TLCD4: variants seen among roughly 807,000 people sequenced by gnomAD.
TLCD4 encodes TLC domain-containing protein 4.
A neutral mutation model predicts 24.2 loss-of-function variants in TLCD4; 7 were observed. The observed-to-expected ratio is 0.29, with a 90% CI of 0.16 to 0.54. The LOEUF (loss-of-function observed/expected upper bound fraction) is 0.54, where lower values mean the gene tolerates loss of function less well. TLCD4 is among the 20% of genes least tolerant of loss of function. The pLI, the probability that TLCD4 is intolerant of heterozygous loss-of-function variation, is 0.95. For synonymous variants in TLCD4, 103 were observed against 106.4 expected, an observed-to-expected ratio of 0.97 and a Z score of 0.20; for missense variants, 259 against 313.9, an observed-to-expected ratio of 0.82 and a Z score of 1.32.
rs111238370 is a variant in TLCD4, at chr1:95,150,574, C to T, written c.304+308C>T. 1.1e-3 allele frequency among the ~76,000 whole-genome samples: 172 copies of T among 152,116 alleles called. 1 individual carries two copies. The highest frequency in any genetic ancestry group is 3.5e-3 in the African/African-American group (147 of 41,510). The stretch of plus-strand genomic sequence containing the variant: ...TTAAGTGTAATGACTGTGAAACTAA[C>T]GAAATTTAACTTTTAGGGTCCCTCA... On this transcript the variant is annotated intron_variant, in intron 4 of 6. Coordinates refer to ENST00000370203, the MANE Select transcript of TLCD4 (RefSeq NM_152487.3).
intron 5 of TLCD4, among the ~76,000 whole-genome samples, chr1:95,159,097 T>C (rs1340302508): frequency 2.6e-5 from 4 of 152,192 alleles, no homozygotes; most frequent in African/African-American, 4.8e-5. Context: ...TCTTCCACAA[T>C]GGTTGAACTA....
At position 95,127,802 on chromosome 1, in the gene TLCD4, G is replaced by T. The variant is rs1676780810; in HGVS notation, c.-12+10185G>T. On this transcript the variant is annotated intron_variant, in intron 1 of 6. Transcript: ENST00000370203. ...GATTTCCTTGAAGGTGGGCTCTCAAGCTGTATAAGCTTCAAAACCGTTACT... is the reference window on the plus strand; with the variant it reads ...GATTTCCTTGAAGGTGGGCTCTCAATCTGTATAAGCTTCAAAACCGTTACT... Among the ~76,000 whole-genome samples the T allele has an allele frequency of 2.0e-5, 3 of 152,176 alleles. No individual in the cohort carries two copies. The South Asian group carries it at 6.2e-4, about 32-fold the overall frequency.
the TLCD4 span, among the ~76,000 whole-genome samples, chr1:95,107,509 T>C: frequency 0.51 from 77,700 of 152,030 alleles, 21,339 homozygotes; most frequent in Non-Finnish European, 0.6. Flanking sequence ...TTGGTTTATA[T>C]CACTACAAAA....
At chr1:95,134,383 G>T (rs1676989734) in intron 1 of TLCD4, among the ~76,000 whole-genome samples, 2 of 152,170 alleles carry the variant, frequency 1.3e-5, no homozygotes, top group South Asian at 2.1e-4. Context: ...TTTGCAGTGG[G>T]CAGGGGAATG....
chr1:95,163,588 T>A (rs745763496), intron 5 of TLCD4: 1 of 152,172 alleles, frequency 6.6e-6, no homozygotes, highest in Non-Finnish European at 1.5e-5. Flanking sequence ...GTGCTCTGAT[T>A]TTTAGAATTT....
At chr1:95,100,159 G>A in the TLCD4 span, among the ~76,000 whole-genome samples, 6 of 151,870 alleles carry the variant, frequency 4.0e-5, no homozygotes, top group South Asian at 6.2e-4. Flanking sequence ...ATTCACAAAC[G>A]TAAAAAAATC....
chr1:95,145,956 C>T (rs1677334175), intron 2 of TLCD4, among the ~76,000 whole-genome samples: 1 of 152,170 alleles, frequency 6.6e-6, no homozygotes, highest in African/African-American at 2.4e-5. Flanking sequence ...TCCTGCTTCT[C>T]ACTCCAGCTT....
intron 5 of TLCD4, among the ~76,000 whole-genome samples, chr1:95,166,712 T>A (rs1322358297): frequency 6.6e-6 from 1 of 152,088 alleles, no homozygotes; most frequent in East Asian, 1.9e-4. Flanking sequence ...CTTGTCTTTA[T>A]AATAAGAAAA....
the TLCD4 span, among the ~76,000 whole-genome samples, chr1:95,106,477 G>A: frequency 9.8e-5 from 15 of 152,334 alleles, no homozygotes; most frequent in East Asian, 1.9e-3. Context: ...GAGGCGGGTG[G>A]ATTGCTTGAG....
intron 5 of TLCD4, among the ~76,000 whole-genome samples, chr1:95,158,353 A>T (rs1325412382): frequency 6.6e-6 from 1 of 150,984 alleles, no homozygotes; most frequent in Non-Finnish European, 1.5e-5. Context: ...GCTAATTTTT[A>T]AAAATTTTCT....
the TLCD4 span, among the ~76,000 whole-genome samples, chr1:95,109,967 A>ACC: frequency 7.2e-6 from 1 of 139,762 alleles, no homozygotes; most frequent in Non-Finnish European, 1.5e-5. Flanking sequence ...ATACACACAC[A>ACC]CAAACAATTT....
chr1:95,168,666 C>T (rs1020916254), intron 5 of TLCD4, among the ~76,000 whole-genome samples: 2 of 150,922 alleles, frequency 1.3e-5, no homozygotes, highest in African/African-American at 2.4e-5. Flanking sequence ...CATGAACCAC[C>T]ACCTCCAGCC....
At chr1:95,156,573 T>C (rs1382469114) in intron 5 of TLCD4, among the ~76,000 whole-genome samples, 4 of 152,068 alleles carry the variant, frequency 2.6e-5, no homozygotes, top group Non-Finnish European at 5.9e-5. Context: ...AAAAATCTGA[T>C]TGGGGAAGAG....
At chr1:95,118,901 G>A (rs1429977240) in intron 1 of TLCD4, among the ~76,000 whole-genome samples, 1 of 152,144 alleles carries the variant, frequency 6.6e-6, no homozygotes, top group Non-Finnish European at 1.5e-5. Context: ...CCCCTCCTGT[G>A]CCATCTGATA....
chr1:95,104,677 A>AAAAAAAAAAAAAAAAAAAAAAAAC, the TLCD4 span, among the ~76,000 whole-genome samples: 1 of 148,042 alleles, frequency 6.8e-6, no homozygotes, highest in Non-Finnish European at 1.5e-5. Context: ...AAAAAAAAAA[A>AAAAAAAAAAAAAAAAAAAAAAAAC]AAAGCGTTTA....
chr1:95,156,937 G>A (rs996099216), intron 5 of TLCD4, among the ~76,000 whole-genome samples: 72 of 152,042 alleles, frequency 4.7e-4, no homozygotes, highest in African/African-American at 1.7e-3. Context: ...CAGGGTCAGG[G>A]ACCAGAAGAA....
chr1:95,097,672 A>C, the TLCD4 span, among the ~76,000 whole-genome samples: 25 of 152,334 alleles, frequency 1.6e-4, no homozygotes, highest in African/African-American at 6.0e-4. Context: ...GAACAGAGGA[A>C]ATCAACCAAA....
intron 5 of TLCD4, among the ~76,000 whole-genome samples, chr1:95,157,202 A>G (rs987870413): frequency 9.2e-5 from 14 of 152,308 alleles, no homozygotes; most frequent in East Asian, 3.9e-4. Context: ...CACAACCTAT[A>G]TAATTATATT....
At chr1:95,162,039 C>T (rs1349417153) in intron 5 of TLCD4, among the ~76,000 whole-genome samples, 2 of 152,140 alleles carry the variant, frequency 1.3e-5, no homozygotes, top group East Asian at 1.9e-4. Context: ...GAGCTGAGTT[C>T]AATTCCTGGA....
Sources: gnomAD v4.1 joint callset for allele counts (sites outside exome capture counted in the v4.1 genomes callset) on GRCh38, gnomAD v4.1.1 for gene constraint, MANE v1.5 for transcripts, NCBI Gene and HGNC (gene_info 2026-07-23, HGNC 2026-07-21) for gene names.